NYAP2: variants seen among roughly 807,000 people sequenced by gnomAD.
NYAP2 encodes the protein neuronal tyrosine-phosphorylated phosphoinositide-3-kinase adaptor 2, also known as neuronal tyrosine-phosphorylated phosphoinositide-3-kinase adapter 2.
In NYAP2, 23 loss-of-function variants were observed where a neutral mutation model predicts 50.4. The observed-to-expected ratio is 0.46, with a 90% confidence interval of 0.33 to 0.65. NYAP2 has a LOEUF of 0.65. NYAP2 is among the 30% of genes least tolerant of loss of function. The pLI, the probability that NYAP2 is intolerant of heterozygous loss-of-function variation, is 0.02. For synonymous variants in NYAP2, 394 were observed against 365.2 expected (o/e 1.08, Z -0.90); for missense variants, 885 against 861.0 (o/e 1.03, Z -0.35).
chr2:225,596,625 A>C (rs1181957383), intron 5 of NYAP2, among the ~76,000 whole-genome samples: 1 of 152,218 alleles, frequency 6.6e-6, no homozygotes, highest in Non-Finnish European at 1.5e-5. Flanking sequence ...TTTTTTAAAA[A>C]ATAGCACCAT....
Position 225,581,921 on chromosome 2 carries a change from T to C in NYAP2, c.524-20T>C. On this transcript the variant is annotated intron_variant, in intron 4 of 6. Coordinates refer to ENST00000636099, the Ensembl canonical transcript of NYAP2. ...TTCCTATTATACTCATCTATTCCAC[T>C]ACGTTTTTTCTTCTTTTAGCGTCAG... is the stretch of plus-strand genomic sequence containing the variant. 1.9e-6 allele frequency: 3 copies of C among 1,580,376 alleles called. No homozygotes were observed. The highest frequency in any genetic ancestry group is 2.6e-6 in the Non-Finnish European group (3 of 1,160,048).
intron 3 of NYAP2, among the ~76,000 whole-genome samples, chr2:225,438,905 C>T (rs970984933): frequency 2.0e-5 from 3 of 152,126 alleles, no homozygotes; most frequent in Admixed American, 6.5e-5. Flanking sequence ...GAAAAGTGCT[C>T]AGAAGTACCC....
chr2:225,554,386 T>G (rs1691736893), intron 4 of NYAP2, among the ~76,000 whole-genome samples: 1 of 150,544 alleles, frequency 6.6e-6, no homozygotes, highest in Non-Finnish European at 1.5e-5. Context: ...AATGGCACAA[T>G]CTCAGCCCAC....
intron 3 of NYAP2, among the ~76,000 whole-genome samples, chr2:225,488,191 G>A (rs1004972925): frequency 4.6e-5 from 7 of 152,210 alleles, no homozygotes; most frequent in African/African-American, 1.7e-4. Context: ...CACAGAGCTT[G>A]AAGGTGAACA....
chr2:225,415,948 T>C (rs1695115796), intron 3 of NYAP2, among the ~76,000 whole-genome samples: 1 of 152,130 alleles, frequency 6.6e-6, no homozygotes, highest in South Asian at 2.1e-4. Context: ...TGTCAGGGTC[T>C]TGCTGGAATG....
At chr2:225,413,407 A>T (rs981243127) in intron 3 of NYAP2, among the ~76,000 whole-genome samples, 1 of 152,178 alleles carries the variant, frequency 6.6e-6, no homozygotes, top group African/African-American at 2.4e-5. Flanking sequence ...TCTTGTTTAC[A>T]GTTAGAGCTG....
chr2:225,414,630 C>G (rs555625184), intron 3 of NYAP2, among the ~76,000 whole-genome samples: 1 of 152,188 alleles, frequency 6.6e-6, no homozygotes. Flanking sequence ...AGAACAGAGT[C>G]CGGCCACAAA....
intron 4 of NYAP2, among the ~76,000 whole-genome samples, chr2:225,564,901 AGGTG>A (rs1264978356): frequency 1.3e-5 from 2 of 152,234 alleles, no homozygotes; most frequent in African/African-American, 4.8e-5. Context: ...AGACCAAGGC[AGGTG>A]GATCACTTGA....
intron 4 of NYAP2, among the ~76,000 whole-genome samples, chr2:225,528,784 G>A (rs551627603): frequency 6.6e-6 from 1 of 152,328 alleles, no homozygotes; most frequent in South Asian, 2.1e-4. Context: ...GATTGGTGAT[G>A]TTAATTTATG....
intron 3 of NYAP2, among the ~76,000 whole-genome samples, chr2:225,433,522 T>A (rs541799530): frequency 7.8e-4 from 119 of 152,008 alleles, no homozygotes; most frequent in Non-Finnish European, 8.4e-4. Context: ...TAAAAAAAAA[T>A]TTAAAATATA....
chr2:225,529,383 G>A (rs1034795033), intron 4 of NYAP2, among the ~76,000 whole-genome samples: 5 of 152,220 alleles, frequency 3.3e-5, no homozygotes, highest in East Asian at 1.9e-4. Context: ...GAGTGAAGTG[G>A]CATGATCTCT....
At chr2:225,529,058 T>C (rs1324417502) in intron 4 of NYAP2, among the ~76,000 whole-genome samples, 1 of 152,246 alleles carries the variant, frequency 6.6e-6, no homozygotes, top group Non-Finnish European at 1.5e-5. Context: ...TTTGCATTTA[T>C]ATGAAAGCAT....
chr2:225,588,989 T>C (rs981226108), intron 5 of NYAP2, among the ~76,000 whole-genome samples: 1 of 152,224 alleles, frequency 6.6e-6, no homozygotes, highest in Admixed American at 6.5e-5. Context: ...GTGGTTTTCC[T>C]ACCTTCTCCC....
At chr2:225,565,300 A>C (rs557164901) in intron 4 of NYAP2, among the ~76,000 whole-genome samples, 1 of 152,324 alleles carries the variant, frequency 6.6e-6, no homozygotes, top group African/African-American at 2.4e-5. Context: ...TATCAATACT[A>C]AAATGGTAAT....
At chr2:225,683,019 C>T in the NYAP2 span, among the ~76,000 whole-genome samples, 2 of 150,156 alleles carry the variant, frequency 1.3e-5, no homozygotes, top group African/African-American at 2.5e-5. Context: ...TTCCCCCCCC[C>T]ATTCTGTTCT....
chr2:225,554,344 A>G (rs1167666137), intron 4 of NYAP2, among the ~76,000 whole-genome samples: 3 of 148,136 alleles, frequency 2.0e-5, no homozygotes, highest in Non-Finnish European at 4.5e-5. Flanking sequence ...TTTTTGAGAC[A>G]GAATCTCATT....
intron 3 of NYAP2, among the ~76,000 whole-genome samples, chr2:225,474,488 A>C (rs1248473354): frequency 6.6e-6 from 1 of 152,082 alleles, no homozygotes; most frequent in Non-Finnish European, 1.5e-5. Flanking sequence ...TATTTCGTTG[A>C]GCAGTGGTTT....
chr2:225,665,764 G>GTGCCAT, the NYAP2 span, among the ~76,000 whole-genome samples: 1 of 121,366 alleles, frequency 8.2e-6, no homozygotes, highest in African/African-American at 3.1e-5. Flanking sequence ...AGCTGAGATT[G>GTGCCAT]TGCCATTGCA....
chr2:225,701,559 C>A, the NYAP2 span: 1 of 151,654 alleles, frequency 6.6e-6, no homozygotes, highest in South Asian at 2.1e-4. Context: ...AAGCCAGCAT[C>A]CTCTGAGGTA....
Sources: allele counts gnomAD v4.1 joint callset (sites outside exome capture counted in the v4.1 genomes callset), GRCh38; gene constraint gnomAD v4.1.1; transcripts MANE v1.5; gene names NCBI Gene and HGNC (gene_info 2026-07-23, HGNC 2026-07-21).